Variants in SORCS2 observed in about 807,000 individuals in gnomAD.
The protein encoded by SORCS2 is VPS10 domain-containing receptor SorCS2.
Under a neutral mutation model 141.6 loss-of-function variants are expected in SORCS2, and 100 were observed. The ratio of observed to expected loss-of-function variants is 0.71; its 90% CI spans 0.60 to 0.83. The LOEUF (loss-of-function observed/expected upper bound fraction) is 0.83, where lower values mean the gene tolerates loss of function less well. Among genes scored for constraint, SORCS2 ranks in the 40% least tolerant of loss-of-function variants. The pLI, the probability that SORCS2 is intolerant of heterozygous loss-of-function variation, is 0.00. For missense variants in SORCS2, 1,646 were observed against 1,560.2 expected (o/e 1.05, Z -0.93); for synonymous variants, 789 against 676.9 (o/e 1.17, Z -2.57).
chr4:7,416,217 A>G (rs1248220419), intron 2 of SORCS2, among the ~76,000 whole-genome samples: 2 of 152,130 alleles, frequency 1.3e-5, no homozygotes, highest in South Asian at 2.1e-4. Context: ...ACTCGAGCAA[A>G]CATTTGGCTG....
At chr4:7,643,729 A>G (rs971029308) in intron 4 of SORCS2, among the ~76,000 whole-genome samples, 4 of 152,214 alleles carry the variant, frequency 2.6e-5, no homozygotes, top group African/African-American at 4.8e-5. Context: ...GCATTGATCC[A>G]TATTAAAGAA....
chr4:7,539,016 G>A (rs1712353432), intron 3 of SORCS2, among the ~76,000 whole-genome samples: 1 of 152,132 alleles, frequency 6.6e-6, no homozygotes, highest in African/African-American at 2.4e-5. Context: ...GATGCTCATG[G>A]GCCATTGCAC....
chr4:7,390,592 G>A (rs1039190607), intron 1 of SORCS2, among the ~76,000 whole-genome samples: 5 of 152,150 alleles, frequency 3.3e-5, no homozygotes, highest in African/African-American at 9.7e-5. Flanking sequence ...GCTTGTACCC[G>A]GGGCCATTGC....
chr4:7,455,074 C>A (rs1316330270), intron 2 of SORCS2, among the ~76,000 whole-genome samples: 4 of 32,348 alleles, frequency 1.2e-4, no homozygotes, highest in Non-Finnish European at 1.2e-4. Flanking sequence ...TTGGGGTCAG[C>A]TGCTGTGTTG....
intron 1 of SORCS2, among the ~76,000 whole-genome samples, chr4:7,227,773 C>A (rs919026681): frequency 2.6e-5 from 4 of 152,210 alleles, no homozygotes; most frequent in Non-Finnish European, 5.9e-5. Flanking sequence ...GGTCCTCAGG[C>A]AGAGCGGCTA....
intron 1 of SORCS2, among the ~76,000 whole-genome samples, chr4:7,235,612 G>A (rs1560130532): frequency 1.3e-5 from 2 of 152,250 alleles, no homozygotes; most frequent in South Asian, 4.1e-4. Context: ...TCCTGGGAAG[G>A]GGGTGATAGG....
intron 2 of SORCS2, among the ~76,000 whole-genome samples, chr4:7,520,925 C>G (rs1016117691): frequency 6.6e-6 from 1 of 152,218 alleles, no homozygotes; most frequent in Admixed American, 6.5e-5. Context: ...CCATGCCACC[C>G]CAACCCCTCT....
chr4:7,388,001 CAT>C (rs1312950945), intron 1 of SORCS2, among the ~76,000 whole-genome samples: 2 of 107,740 alleles, frequency 1.9e-5, no homozygotes, highest in African/African-American at 7.5e-5. Flanking sequence ...CATGCACACA[CAT>C]GCACATGCAT....
chr4:7,379,755 G>A (rs1214793833), intron 1 of SORCS2, among the ~76,000 whole-genome samples: 1 of 152,184 alleles, frequency 6.6e-6, no homozygotes, highest in Non-Finnish European at 1.5e-5. Context: ...ATGTTGCTTT[G>A]TTTGTCAGAT....
intron 2 of SORCS2, among the ~76,000 whole-genome samples, chr4:7,525,831 AGT>A (rs1435599779): frequency 1.1e-4 from 9 of 78,890 alleles, no homozygotes; most frequent in Admixed American, 3.1e-4. Flanking sequence ...CTGTCCCCTC[AGT>A]CACCTGGGCC....
At chr4:7,548,546 G>C (rs1713445349) in intron 3 of SORCS2, among the ~76,000 whole-genome samples, 3 of 152,188 alleles carry the variant, frequency 2.0e-5, no homozygotes, top group African/African-American at 7.2e-5. Context: ...CAGACAAAGG[G>C]AGGCCCAGCA....
chr4:7,606,361 G>A (rs551593054), intron 3 of SORCS2, among the ~76,000 whole-genome samples: 1 of 152,092 alleles, frequency 6.6e-6, no homozygotes, highest in Non-Finnish European at 1.5e-5. Flanking sequence ...CTTATTCAAC[G>A]ATCGTCTCTG....
At chr4:7,486,640 G>A (rs1182585846) in intron 2 of SORCS2, among the ~76,000 whole-genome samples, 1 of 152,178 alleles carries the variant, frequency 6.6e-6, no homozygotes, top group African/African-American at 2.4e-5. Context: ...TTCTCTCCCA[G>A]AAGCCTGGAA....
At chr4:7,327,377 C>T (rs1206535645) in intron 1 of SORCS2, among the ~76,000 whole-genome samples, 2 of 152,210 alleles carry the variant, frequency 1.3e-5, no homozygotes, top group Non-Finnish European at 2.9e-5. Flanking sequence ...TGGCCCCTCC[C>T]TGTGTGTCTC....
At chr4:7,598,507 A>T (rs545856543) in intron 3 of SORCS2, among the ~76,000 whole-genome samples, 1 of 152,214 alleles carries the variant, frequency 6.6e-6, no homozygotes, top group East Asian at 1.9e-4. Context: ...ACAACTCCAC[A>T]TGTGGGAAAC....
At chr4:7,213,059 G>A (rs1430594317) in intron 1 of SORCS2, among the ~76,000 whole-genome samples, 4 of 152,192 alleles carry the variant, frequency 2.6e-5, no homozygotes, top group Admixed American at 2.6e-4. Context: ...CAGAGCCACT[G>A]CCATTCATGT....
At chr4:7,289,852 G>A (rs1716494844) in intron 1 of SORCS2, among the ~76,000 whole-genome samples, 1 of 152,144 alleles carries the variant, frequency 6.6e-6, no homozygotes, top group Admixed American at 6.5e-5. Context: ...GACGCTGCAG[G>A]GCCTCCCCTT....
chr4:7,563,332 C>CA (rs1036704852), intron 3 of SORCS2, among the ~76,000 whole-genome samples: 23 of 152,140 alleles, frequency 1.5e-4, no homozygotes, highest in African/African-American at 5.6e-4. Context: ...AAGAGGCCCT[C>CA]AGGAAGACTT....
chr4:7,462,194 C>T (rs999488199), intron 2 of SORCS2, among the ~76,000 whole-genome samples: 4 of 152,296 alleles, frequency 2.6e-5, no homozygotes, highest in South Asian at 2.1e-4. Context: ...CTGTGCTGGG[C>T]GCCAGCTCTC....
Sources: allele counts gnomAD v4.1 joint callset (sites outside exome capture counted in the v4.1 genomes callset), GRCh38; gene constraint gnomAD v4.1.1; transcripts MANE v1.5; gene names NCBI Gene and HGNC (gene_info 2026-07-23, HGNC 2026-07-21).